KLF8: variants seen among roughly 807,000 people sequenced by gnomAD.
The protein encoded by KLF8 is Krueppel-like factor 8.
KLF8 carries 10 observed loss-of-function variants against 18.2 expected under a neutral mutation model. The observed-to-expected ratio is 0.55, with a 90% CI of 0.34 to 0.93. The LOEUF (loss-of-function observed/expected upper bound fraction) is 0.93. Ranked by LOEUF, KLF8 falls within the 40% of genes least tolerant of loss-of-function variation. The probability of loss-of-function intolerance (pLI) is 0.02; values close to 1 mark genes in which losing one functional copy is unlikely to be tolerated. For synonymous variants in KLF8, 109 were observed against 97.3 expected (o/e 1.12, Z -0.71); for missense variants, 264 against 277.9 (o/e 0.95, Z 0.36).
the KLF8 span, among the ~76,000 whole-genome samples, chrX:56,051,214 C>G: frequency 9.0e-6 from 1 of 111,456 alleles, no homozygotes; most frequent in Non-Finnish European, 1.9e-5. Context: ...GGTCTTGACT[C>G]TTTATCCAAT....
chrX:56,176,456 C>T, the KLF8 span, among the ~76,000 whole-genome samples: 6 of 111,746 alleles, frequency 5.4e-5, no homozygotes, highest in African/African-American at 2.0e-4. Context: ...CTTGTAGAGT[C>T]TCTGCTGAGA....
At chrX:56,105,326 A>T in the KLF8 span, among the ~76,000 whole-genome samples, 10 of 111,186 alleles carry the variant, frequency 9.0e-5, no homozygotes, top group Non-Finnish European at 1.7e-4. Context: ...TTAAAGTCTC[A>T]CATTATTATT....
the KLF8 span, among the ~76,000 whole-genome samples, chrX:56,172,846 C>G: frequency 8.9e-6 from 1 of 112,180 alleles, no homozygotes; most frequent in Non-Finnish European, 1.9e-5. Context: ...TTGCATTTCT[C>G]TGATAGCCAG....
chrX:56,241,973 C>G (rs768336903), intron 1 of KLF8, among the ~76,000 whole-genome samples: 2 of 112,279 alleles, frequency 1.8e-5, no homozygotes, highest in South Asian at 7.3e-4. Flanking sequence ...GTTATTTCCA[C>G]TTTCTACATA....
At chrX:56,031,040 T>C in the KLF8 span, among the ~76,000 whole-genome samples, 1 of 110,901 alleles carries the variant, frequency 9.0e-6, no homozygotes, top group African/African-American at 3.3e-5. Context: ...ATGGCCAACC[T>C]ACCTCTAATT....
the KLF8 span, among the ~76,000 whole-genome samples, chrX:56,123,541 T>TGA: frequency 8.9e-6 from 1 of 112,009 alleles, no homozygotes; most frequent in Non-Finnish European, 1.9e-5. Context: ...AGAAGAGTGG[T>TGA]GAGGTTTCAC....
chrX:56,246,322 A>G (rs1366562099), intron 1 of KLF8, among the ~76,000 whole-genome samples: 1 of 111,613 alleles, frequency 9.0e-6, no homozygotes, highest in African/African-American at 3.3e-5. Flanking sequence ...TGTATAGGAG[A>G]TGCTCTGCTA....
At chrX:55,930,886 A>C in the KLF8 span, among the ~76,000 whole-genome samples, 1 of 111,931 alleles carries the variant, frequency 8.9e-6, no homozygotes, top group African/African-American at 3.3e-5. Context: ...TATCAGGATG[A>C]TGCTGGCCTC....
the KLF8 span, among the ~76,000 whole-genome samples, chrX:56,115,758 G>A: frequency 4.5e-5 from 5 of 112,063 alleles, no homozygotes; most frequent in Non-Finnish European, 5.6e-5. Flanking sequence ...CTTGTGTCAA[G>A]CAAGTTTGTA....
chrX:56,278,914 T>G (rs1279224859), intron 5 of KLF8, among the ~76,000 whole-genome samples: 2 of 111,618 alleles, frequency 1.8e-5, no homozygotes, highest in Middle Eastern at 4.2e-3. Context: ...GAGTTCAGCA[T>G]AGTTTTGCTT....
chrX:56,195,769 A>G, the KLF8 span, among the ~76,000 whole-genome samples: 1 of 111,583 alleles, frequency 9.0e-6, no homozygotes. Context: ...CAATCCCAAG[A>G]CACATAATTG....
the KLF8 span, among the ~76,000 whole-genome samples, chrX:56,068,428 A>C: frequency 1.8e-5 from 2 of 111,674 alleles, no homozygotes; most frequent in African/African-American, 6.5e-5. Context: ...CGACTCTGCC[A>C]CTGGAAACCA....
chrX:55,949,843 C>T, the KLF8 span, among the ~76,000 whole-genome samples: 1 of 109,972 alleles, frequency 9.1e-6, no homozygotes, highest in African/African-American at 3.3e-5. Flanking sequence ...GCTTTTGATG[C>T]CTGCAGGACT....
the KLF8 span, among the ~76,000 whole-genome samples, chrX:55,994,024 C>T: frequency 5.1e-4 from 55 of 108,221 alleles, no homozygotes; most frequent in African/African-American, 1.9e-3. Flanking sequence ...GATTCTCCTG[C>T]CTCAGTGTCC....
the KLF8 span, among the ~76,000 whole-genome samples, chrX:56,169,864 G>C: frequency 1.8e-5 from 2 of 111,132 alleles, no homozygotes; most frequent in Non-Finnish European, 3.8e-5. Context: ...GCTAAGTACT[G>C]GCTCAAGTGG....
chrX:55,975,921 C>G, the KLF8 span, among the ~76,000 whole-genome samples: 1 of 111,152 alleles, frequency 9.0e-6, no homozygotes, highest in Non-Finnish European at 1.9e-5. Context: ...ACCAGCCTGA[C>G]CAACGTGGAG....
chrX:56,280,685 G>A (rs1280394016), intron 5 of KLF8, among the ~76,000 whole-genome samples: 3 of 111,743 alleles, frequency 2.7e-5, no homozygotes, highest in Admixed American at 9.5e-5. Context: ...AAGTTGCTTC[G>A]CCCCTCTTTA....
chrX:56,060,932 G>A, the KLF8 span, among the ~76,000 whole-genome samples: 4 of 111,757 alleles, frequency 3.6e-5, no homozygotes, highest in Middle Eastern at 0.018. Context: ...GAGTGTGTAT[G>A]TGTCCAGAAA....
chrX:56,076,382 T>C, the KLF8 span, among the ~76,000 whole-genome samples: 1 of 102,954 alleles, frequency 9.7e-6, no homozygotes, highest in African/African-American at 3.6e-5. Flanking sequence ...TGAGTGAGAA[T>C]ATGCGGTGTT....
Sources: gnomAD v4.1 joint callset for allele counts (sites outside exome capture counted in the v4.1 genomes callset) on GRCh38, gnomAD v4.1.1 for gene constraint, MANE v1.5 for transcripts, NCBI Gene and HGNC (gene_info 2026-07-23, HGNC 2026-07-21) for gene names.